EPS8: variants seen among roughly 807,000 people sequenced by gnomAD.
The protein encoded by EPS8 is EGFR pathway substrate 8, signaling adaptor, also known as epidermal growth factor receptor kinase substrate 8.
A neutral mutation model predicts 103.8 loss-of-function variants in EPS8; 42 were observed. The ratio of observed to expected loss-of-function variants is 0.40; its 90% CI spans 0.32 to 0.52. The LOEUF (loss-of-function observed/expected upper bound fraction) is 0.52, where lower values mean the gene tolerates loss of function less well. Among genes scored for constraint, EPS8 ranks in the 20% least tolerant of loss-of-function variants. The probability of loss-of-function intolerance (pLI) is 0.40; values close to 1 mark genes in which losing one functional copy is unlikely to be tolerated. For missense variants in EPS8, 969 were observed against 1,005.1 expected (o/e 0.96, Z 0.49); for synonymous variants, 344 against 344.6 (o/e 1.00, Z 0.02).
At chr12:15,686,714 T>C (rs982755143) in intron 1 of EPS8, among the ~76,000 whole-genome samples, 1 of 152,174 alleles carries the variant, frequency 6.6e-6, no homozygotes, top group African/African-American at 2.4e-5. Context: ...TCCTCAAATA[T>C]AAGTTTTAGA....
rs1208526359 is a variant in EPS8, at chr12:15,752,737, G to T, written c.-22+36424C>A. Among the ~76,000 whole-genome samples, 1 of 152,092 alleles carries T rather than the reference G, an allele frequency of 6.6e-6. No homozygotes were observed. Among genetic ancestry groups the T allele is most frequent in the Non-Finnish European group, 1.5e-5 (1 of 68,032 alleles). On this transcript the variant is annotated intron_variant, in intron 1 of 20. Coordinates refer to ENST00000281172, the MANE Select transcript of EPS8 (RefSeq NM_004447.6). The surrounding 1 kb of genome is among the most constrained non-coding windows in gnomAD (Gnocchi z 4.4). ...CAGTGAAGATATTAATAATGATGAT[G>T]TTGGTCATGATAAAAATAGTAGGAA...
chr12:15,664,590 A>T (rs1022095696), intron 8 of EPS8, among the ~76,000 whole-genome samples: 1 of 152,234 alleles, frequency 6.6e-6, no homozygotes, highest in Non-Finnish European at 1.5e-5. Context: ...ACAGGTAGAC[A>T]TATCAGGTCT....
rs1235480083 is a variant in EPS8 at position 15,728,172 on chromosome 12, T to A, written c.-21-45200A>T. 2 of 152,222 alleles carry A rather than the reference T, an allele frequency of 1.3e-5. No individual in the cohort carries two copies. The highest frequency in any genetic ancestry group is 4.8e-5 in the African/African-American group (2 of 41,444). 9.4% of individuals were successfully genotyped at this position (152,222 alleles called of 1,614,324 possible). The stretch of plus-strand genomic sequence containing the variant: ...ACTTTAACTGTTACCAAAAGCGTAG[T>A]CGACTGGTATTATAGAAAGAAAACA... On this transcript the variant is annotated intron_variant, in intron 1 of 20. Transcript: ENST00000281172. This position sits in a 1 kb window ranked among gnomAD's most constrained non-coding sequence, Gnocchi z 4.5.
rs759562581 is a variant in EPS8 at position 15,666,428 on chromosome 12, C to T, written c.599+12G>A. 1 of 1,602,118 alleles carries T rather than the reference C, an allele frequency of 6.2e-7. No homozygotes were observed. Among genetic ancestry groups the T allele is most frequent in the East Asian group, 2.2e-5 (1 of 44,806 alleles). On this transcript the variant is annotated intron_variant, in intron 7 of 20. Coordinates refer to ENST00000281172, the MANE Select transcript of EPS8 (RefSeq NM_004447.6). ...ATCAATTCCACTCCTTGATTTCTTT[C>T]AATGCTTTTACCTCAGGGCGTCGGG...
chr12:15,648,936 G>T (rs944827861), intron 14 of EPS8, among the ~76,000 whole-genome samples: 1 of 152,136 alleles, frequency 6.6e-6, no homozygotes, highest in Non-Finnish European at 1.5e-5. Context: ...TGTTGTAAAT[G>T]CATTTATTAT....
chr12:15,661,989 G>A (rs940310577), intron 9 of EPS8, 37 bp downstream of exon 9: 2 of 1,458,798 alleles, frequency 1.4e-6, no homozygotes, highest in African/African-American at 2.8e-5. Context: ...CCTCTTAAAA[G>A]AAAAGCCAGT....
At chr12:15,770,682 G>A (rs1947145096) in intron 1 of EPS8, among the ~76,000 whole-genome samples, 1 of 152,130 alleles carries the variant, frequency 6.6e-6, no homozygotes. Context: ...TAAAAGAATG[G>A]GAACCTGAAA....
intron 1 of EPS8, among the ~76,000 whole-genome samples, chr12:15,737,323 G>A (rs1039287852): frequency 2.0e-5 from 3 of 152,112 alleles, no homozygotes; most frequent in Admixed American, 6.5e-5. Flanking sequence ...GTTGCAAAAC[G>A]TGACTTTAAG....
intron 8 of EPS8, chr12:15,662,412 T>C: frequency 9.5e-7 from 1 of 1,054,734 alleles, no homozygotes; most frequent in Non-Finnish European, 1.1e-6. Context: ...CACCCTTTAA[T>C]TCCTACACAA....
rs552464666 is a variant in EPS8 at position 15,659,808 on chromosome 12, C to T, written c.937+806G>A. ...GCTGAGGCCATTTTAAATAGCTGAA[C>T]TGCAGCATACTTCAAAATTGTCTGT... On this transcript the variant is annotated intron_variant, in intron 10 of 20. Transcript: ENST00000281172. Among the ~76,000 whole-genome samples, 382 of 152,256 alleles carry T rather than the reference C, an allele frequency of 2.5e-3. 1 individual carries two copies. Among genetic ancestry groups the T allele is most frequent in the Non-Finnish European group, 4.1e-3 (280 of 68,010 alleles).
rs188577629 is a variant in EPS8 at position 15,678,837 on chromosome 12, C to T, written c.136+2389G>A. On this transcript the variant is annotated intron_variant, in intron 3 of 20. Coordinates refer to ENST00000281172, the MANE Select transcript of EPS8 (RefSeq NM_004447.6). Reference sequence around the variant, plus strand: ...GCTGAGGCAAGAGAATCGCTTGAACCCTGGAGGCGGAGGCTGCAGTGAGCC... The same window carrying T: ...GCTGAGGCAAGAGAATCGCTTGAACTCTGGAGGCGGAGGCTGCAGTGAGCC... Among the ~76,000 whole-genome samples the T allele has an allele frequency of 3.8e-3, 568 of 150,706 alleles. 3 individuals carry two copies. Among genetic ancestry groups the T allele is most frequent in the Middle Eastern group, 0.021 (6 of 292 alleles).
At chr12:15,766,745 G>T (rs540892260) in intron 1 of EPS8, among the ~76,000 whole-genome samples, 1 of 151,530 alleles carries the variant, frequency 6.6e-6, no homozygotes, top group Non-Finnish European at 1.5e-5. Context: ...ACCCTTATCC[G>T]AGTTAAAGCT....
intron 1 of EPS8, among the ~76,000 whole-genome samples, chr12:15,744,848 T>A (rs982926404): frequency 6.6e-6 from 1 of 152,180 alleles, no homozygotes; most frequent in African/African-American, 2.4e-5. Flanking sequence ...GCCTAAAAAC[T>A]TAACTGTCCA....
At chr12:15,625,525 T>C (rs897909287) in intron 18 of EPS8, among the ~76,000 whole-genome samples, 10 of 152,202 alleles carry the variant, frequency 6.6e-5, no homozygotes, top group Non-Finnish European at 1.2e-4. Context: ...TATTTTCTCT[T>C]AATGTCGCCG....
At chr12:15,627,457 T>G (rs192595213) in intron 18 of EPS8, among the ~76,000 whole-genome samples, 306 of 152,356 alleles carry the variant, frequency 2.0e-3, no homozygotes, top group African/African-American at 7.0e-3. Flanking sequence ...GAATGAGGCA[T>G]TCTGCTGACT....
At chr12:15,627,007 CTT>C (rs528069900) in intron 18 of EPS8, among the ~76,000 whole-genome samples, 1 of 147,748 alleles carries the variant, frequency 6.8e-6, no homozygotes. Flanking sequence ...TGTCTATCAT[CTT>C]TTTTTTTTTG....
At chr12:15,768,659 T>A (rs996564679) in intron 1 of EPS8, among the ~76,000 whole-genome samples, 3 of 151,922 alleles carry the variant, frequency 2.0e-5, no homozygotes, top group African/African-American at 7.3e-5. Context: ...AGCAAAATAA[T>A]CTCCCTCCAA....
At chr12:15,719,103 C>T (rs1009328762) in intron 1 of EPS8, among the ~76,000 whole-genome samples, 8 of 152,026 alleles carry the variant, frequency 5.3e-5, no homozygotes, top group Admixed American at 2.0e-4. Flanking sequence ...AAGGTGTCCT[C>T]TTATCAAAAA....
At position 15,706,232 on chromosome 12, in the gene EPS8, G is replaced by A. The variant is rs1946384936; in HGVS notation, c.-21-23260C>T. Among the ~76,000 whole-genome samples the A allele has an allele frequency of 6.6e-6, 1 of 152,186 alleles. No homozygotes were observed. The highest frequency in any genetic ancestry group is 1.5e-5 in the Non-Finnish European group (1 of 68,036). On this transcript the variant is annotated intron_variant, in intron 1 of 20. Coordinates refer to ENST00000281172, the MANE Select transcript of EPS8 (RefSeq NM_004447.6). The surrounding 1 kb of genome is among the most constrained non-coding windows in gnomAD (Gnocchi z 5.2). ...CTCCTGCCGGCCTGTGCACTGGGGT[G>A]GAGCCTGAGCAAGTTTGCACCTTTG... is the stretch of plus-strand genomic sequence containing the variant.
Sources: allele counts gnomAD v4.1 joint callset (sites outside exome capture counted in the v4.1 genomes callset), GRCh38; gene constraint gnomAD v4.1.1; non-coding constraint Gnocchi (gnomAD v3.1); transcripts MANE v1.5; gene names NCBI Gene and HGNC (gene_info 2026-07-23, HGNC 2026-07-21).